Variants in GPC5 observed in about 807,000 individuals in gnomAD.
The protein encoded by GPC5 is glypican-5.
Under a neutral mutation model 53.9 loss-of-function variants are expected in GPC5, and 47 were observed. That is an observed-to-expected ratio of 0.87 (90% confidence interval 0.69 to 1.11). The LOEUF (loss-of-function observed/expected upper bound fraction) is 1.11, where lower values mean the gene tolerates loss of function less well. Ranked by LOEUF, GPC5 falls within the 50% of genes most tolerant of loss-of-function variation. The pLI is 0.00. For synonymous variants in GPC5, 286 were observed against 263.3 expected, an observed-to-expected ratio of 1.09 and a Z score of -0.84; for missense variants, 748 against 713.1, an observed-to-expected ratio of 1.05 and a Z score of -0.56.
chr13:91,580,252 G>A (rs563188752), intron 2 of GPC5, among the ~76,000 whole-genome samples: 4 of 151,978 alleles, frequency 2.6e-5, no homozygotes, highest in African/African-American at 4.8e-5. Flanking sequence ...GGGTTTCATC[G>A]TGTTAGCCAG....
At chr13:91,835,614 C>T (rs1289636945) in intron 5 of GPC5, among the ~76,000 whole-genome samples, 1 of 152,066 alleles carries the variant, frequency 6.6e-6, no homozygotes, top group Non-Finnish European at 1.5e-5. Flanking sequence ...AACCATCATT[C>T]TCAGCAAACT....
At chr13:92,019,580 G>T (rs1481971512) in intron 6 of GPC5, among the ~76,000 whole-genome samples, 8 of 152,042 alleles carry the variant, frequency 5.3e-5, no homozygotes, top group Admixed American at 2.0e-4. Context: ...ATTCAGCTGT[G>T]AACAGGCTGG....
At chr13:91,983,748 T>C (rs2040382216) in intron 6 of GPC5, among the ~76,000 whole-genome samples, 1 of 152,178 alleles carries the variant, frequency 6.6e-6, no homozygotes, top group Non-Finnish European at 1.5e-5. Context: ...TAAAGTCATG[T>C]TACTACCTAC....
intron 7 of GPC5, among the ~76,000 whole-genome samples, chr13:92,265,744 A>G (rs2042798251): frequency 1.3e-5 from 2 of 152,142 alleles, no homozygotes; most frequent in Non-Finnish European, 2.9e-5. Flanking sequence ...TATTTGTTAT[A>G]GCAGCGCCCC....
chr13:92,863,875 C>T (rs1217352659), intron 7 of GPC5, among the ~76,000 whole-genome samples: 1 of 152,116 alleles, frequency 6.6e-6, no homozygotes, highest in Non-Finnish European at 1.5e-5. Flanking sequence ...AATTTTCTTT[C>T]CCCATCAGAC....
intron 6 of GPC5, among the ~76,000 whole-genome samples, chr13:92,032,748 A>G (rs1440854512): frequency 6.6e-6 from 1 of 152,170 alleles, no homozygotes; most frequent in Non-Finnish European, 1.5e-5. Flanking sequence ...ACAGCAATGG[A>G]ACGACGCTAA....
chr13:92,081,187 C>T lies in GPC5; in HGVS notation c.1402-63643C>T, dbSNP rs181958021. ...GGAGTGGCACGATCACTGCAACTTCCGCCTCCCGGGTTCGAGTGATTCTCC... is the reference window on the plus strand; with the variant it reads ...GGAGTGGCACGATCACTGCAACTTCTGCCTCCCGGGTTCGAGTGATTCTCC... On this transcript the variant is annotated intron_variant, in intron 6 of 7. Coordinates refer to ENST00000377067, the MANE Select transcript of GPC5 (RefSeq NM_004466.6). 2.0e-4 allele frequency among the ~76,000 whole-genome samples: 30 copies of T among 152,180 alleles called. 1 individual carries two copies. The highest frequency in any genetic ancestry group is 4.1e-4 in the African/African-American group (17 of 41,526).
chr13:91,581,253 G>A (rs1034552006), intron 2 of GPC5, among the ~76,000 whole-genome samples: 1 of 152,184 alleles, frequency 6.6e-6, no homozygotes, highest in Non-Finnish European at 1.5e-5. Flanking sequence ...ACTATATTCT[G>A]TGTACTCTAA....
At position 92,307,280 on chromosome 13, in the gene GPC5, C is replaced by T. The variant is rs143245446; in HGVS notation, c.1561+162291C>T. Among the ~76,000 whole-genome samples the T allele has an allele frequency of 3.3e-3, 506 of 152,230 alleles. 5 individuals carry two copies. The highest frequency in any genetic ancestry group is 0.012 in the African/African-American group (478 of 41,548). ...TGAGACCAGCTTGACCATGGTGAAA[C>T]CCCATCTCTACTAAAATATAAAAAT... On this transcript the variant is annotated intron_variant, in intron 7 of 7. Coordinates refer to ENST00000377067, the MANE Select transcript of GPC5 (RefSeq NM_004466.6).
chr13:91,981,568 C>A (rs1034183103), intron 6 of GPC5, among the ~76,000 whole-genome samples: 6 of 152,268 alleles, frequency 3.9e-5, no homozygotes, highest in Admixed American at 3.9e-4. Flanking sequence ...GGATTACAGG[C>A]GTGAGCCACC....
intron 5 of GPC5, among the ~76,000 whole-genome samples, chr13:91,768,150 A>T (rs2138687068): frequency 6.6e-6 from 1 of 152,274 alleles, no homozygotes; most frequent in Non-Finnish European, 1.5e-5. Context: ...TTAAAGTAAA[A>T]TGCTAGAAGG....
intron 6 of GPC5, among the ~76,000 whole-genome samples, chr13:92,024,654 A>T (rs2040786266): frequency 1.3e-5 from 2 of 152,020 alleles, no homozygotes; most frequent in South Asian, 4.1e-4. Flanking sequence ...TCTTATTCTT[A>T]CCTCCAAATA....
chr13:91,801,347 C>T (rs1379544640), intron 5 of GPC5, among the ~76,000 whole-genome samples: 1 of 151,142 alleles, frequency 6.6e-6, no homozygotes, highest in Non-Finnish European at 1.5e-5. Context: ...TTTGAAAGCT[C>T]AGCCATCTGA....
chr13:92,701,957 G>GACTT (rs1331866372), intron 7 of GPC5, among the ~76,000 whole-genome samples: 1 of 152,044 alleles, frequency 6.6e-6, no homozygotes, highest in Non-Finnish European at 1.5e-5. Flanking sequence ...GACAGGATAG[G>GACTT]ACTTAAATGA....
chr13:91,993,304 C>A (rs1040987546), intron 6 of GPC5, among the ~76,000 whole-genome samples: 1 of 152,128 alleles, frequency 6.6e-6, no homozygotes, highest in Admixed American at 6.5e-5. Context: ...TGCAATTCTA[C>A]ACTTTAAAAT....
rs889044535 is a variant in GPC5, at chr13:91,879,149, T to A, written c.1281-28788T>A. 2.0e-5 allele frequency among the ~76,000 whole-genome samples: 3 copies of A among 152,160 alleles called. No homozygotes were observed. The South Asian group carries it at 6.2e-4, about 31-fold the overall frequency. On this transcript the variant is annotated intron_variant, in intron 5 of 7. Transcript: ENST00000377067. Reference sequence around the variant, plus strand: ...TTTCATATATAAATAATTATTTTTTTAAATATGATTTTAAGTTCTGGGATA... The same window carrying A: ...TTTCATATATAAATAATTATTTTTTAAAATATGATTTTAAGTTCTGGGATA...
intron 6 of GPC5, among the ~76,000 whole-genome samples, chr13:92,132,155 T>G (rs1327069759): frequency 1.3e-5 from 2 of 151,998 alleles, no homozygotes; most frequent in East Asian, 3.9e-4. Context: ...CAGGAAAAAA[T>G]GAAGCTATGG....
At chr13:91,959,397 AG>A (rs2040106122) in intron 6 of GPC5, among the ~76,000 whole-genome samples, 1 of 151,984 alleles carries the variant, frequency 6.6e-6, no homozygotes, top group Admixed American at 6.6e-5. Context: ...CTCAGTCAGG[AG>A]TAAGAAGCCT....
At chr13:91,800,466 CAG>C (rs34605316) in intron 5 of GPC5, among the ~76,000 whole-genome samples, 54,448 of 151,636 alleles carry the variant, frequency 0.36, 11,043 homozygotes, top group African/African-American at 0.56. Context: ...TACTAAGACC[CAG>C]AGAGAGGAGT....
Sources: gnomAD v4.1 joint callset for allele counts (sites outside exome capture counted in the v4.1 genomes callset) on GRCh38, gnomAD v4.1.1 for gene constraint, MANE v1.5 for transcripts, NCBI Gene and HGNC (gene_info 2026-07-23, HGNC 2026-07-21) for gene names.